The following NEDD4 variants were observed in gnomAD, a reference collection of about 807,000 sequenced individuals.
NEDD4 encodes E3 ubiquitin-protein ligase NEDD4.
NEDD4 carries 99 observed loss-of-function variants against 144.9 expected under a neutral mutation model. That is an observed-to-expected ratio of 0.68 (90% CI 0.58 to 0.81). The LOEUF (loss-of-function observed/expected upper bound fraction) is 0.81, where lower values mean the gene tolerates loss of function less well. Ranked by LOEUF, NEDD4 falls within the 30% of genes least tolerant of loss-of-function variation. The pLI, the probability that NEDD4 is intolerant of heterozygous loss-of-function variation, is 0.00. For missense variants in NEDD4, 985 were observed against 1,065.9 expected, an observed-to-expected ratio of 0.92 and a Z score of 1.06; for synonymous variants, 318 against 350.6, an observed-to-expected ratio of 0.91 and a Z score of 1.04.
At chr15:55,916,629 G>A (rs1225058553) in intron 5 of NEDD4, 1 of 1,613,992 alleles carries the variant, frequency 6.2e-7, no homozygotes, top group South Asian at 1.1e-5. Flanking sequence ...TCTTTCTTGA[G>A]ACTGAACGTT....
Position 55,834,272 on chromosome 15 carries a change from T to C in NEDD4, c.2277A>G (p.Leu759=), listed in dbSNP as rs769970212. The change falls in exon 25 of 29, where the codon CTA becomes CTG. Residue 759 remains leucine, a synonymous_variant. Coordinates refer to ENST00000435532, the MANE Select transcript of NEDD4 (RefSeq NM_006154.4). ...MAAFKEGFFE[L]IPQDLIKIFD... is the part of the protein sequence containing the mutation. ...AAATTTTGATGAGATCCTGTGGTAT[T>C]AGTTCAAAGAATCCCTAGAAAAAAG... 1 of 1,605,506 alleles carries C rather than the reference T, an allele frequency of 6.2e-7. No individual in the cohort carries two copies. The highest frequency in any genetic ancestry group is 1.1e-5 in the South Asian group (1 of 90,854).
At chr15:55,949,328 T>C (rs1227829364) in intron 4 of NEDD4, among the ~76,000 whole-genome samples, 1 of 152,098 alleles carries the variant, frequency 6.6e-6, no homozygotes, top group African/African-American at 2.4e-5. Flanking sequence ...TGTGGAGAAA[T>C]AGGAATACTT....
chr15:55,902,399 C>T (rs376971017), intron 5 of NEDD4, among the ~76,000 whole-genome samples: 11 of 152,060 alleles, frequency 7.2e-5, no homozygotes, highest in East Asian at 5.8e-4. Flanking sequence ...AATTTTGTCA[C>T]GACTGCATGG....
chr15:55,944,001 G>C (rs1200727392), intron 4 of NEDD4, among the ~76,000 whole-genome samples: 1 of 152,150 alleles, frequency 6.6e-6, no homozygotes, highest in Non-Finnish European at 1.5e-5. Context: ...TTATTTTGGA[G>C]CTTTAAGATG....
In NEDD4 at chr15:55,941,567, CTT is replaced by C. The variant is rs774423759; in HGVS notation, c.237+9807_237+9808del. 3.6e-3 allele frequency among the ~76,000 whole-genome samples: 500 copies of C among 139,998 alleles called. 1 individual carries two copies. Among genetic ancestry groups the C allele is most frequent in the African/African-American group, 0.012 (463 of 38,416 alleles). 91.8% of individuals were successfully genotyped at this position (139,998 alleles called of 152,430 possible). On this transcript the variant is annotated intron_variant, in intron 4 of 28. Coordinates refer to ENST00000435532, the MANE Select transcript of NEDD4 (RefSeq NM_006154.4). Reference sequence around the variant, plus strand: ...TCAGAGAACATACCCTGTTAAATTTCTTTTTTTTTTTTTTTGAGACAGAGTCT... The same window carrying C: ...TCAGAGAACATACCCTGTTAAATTTCTTTTTTTTTTTTTGAGACAGAGTCT...
At chr15:55,980,329 A>G (rs958000211) in intron 1 of NEDD4, among the ~76,000 whole-genome samples, 3 of 152,182 alleles carry the variant, frequency 2.0e-5, no homozygotes, top group Admixed American at 1.3e-4. Flanking sequence ...AAACCTTTCT[A>G]AAGTAGCTGA....
At chr15:55,836,851 G>T (rs1438312581) in intron 24 of NEDD4, among the ~76,000 whole-genome samples, 17 of 150,982 alleles carry the variant, frequency 1.1e-4, no homozygotes, top group African/African-American at 3.9e-4. Flanking sequence ...TAGAGATAAG[G>T]TCTCCCTATG....
At chr15:55,992,405 A>G (rs1488368344) in intron 1 of NEDD4, among the ~76,000 whole-genome samples, 2 of 152,210 alleles carry the variant, frequency 1.3e-5, no homozygotes, top group Non-Finnish European at 2.9e-5. Context: ...AGAAGTGTAA[A>G]ATGTTTGACG....
chr15:55,856,608 G>A (rs1160214989), intron 11 of NEDD4, among the ~76,000 whole-genome samples: 2 of 152,118 alleles, frequency 1.3e-5, no homozygotes, highest in Non-Finnish European at 2.9e-5. Flanking sequence ...CATGCTGCAC[G>A]CTGCAGGCTC....
chr15:55,914,031 C>A (rs2036354808), intron 5 of NEDD4, among the ~76,000 whole-genome samples: 1 of 151,810 alleles, frequency 6.6e-6, no homozygotes, highest in South Asian at 2.1e-4. Context: ...ATTTAAAATT[C>A]TAAATTATAG....
intron 13 of NEDD4, among the ~76,000 whole-genome samples, chr15:55,851,170 C>A (rs539774328): frequency 6.6e-6 from 1 of 152,086 alleles, no homozygotes; most frequent in East Asian, 1.9e-4. Context: ...TCCTCATACA[C>A]AGAAGTAGAT....
intron 14 of NEDD4, among the ~76,000 whole-genome samples, chr15:55,849,187 T>C (rs1192957278): frequency 6.6e-6 from 1 of 152,192 alleles, no homozygotes; most frequent in African/African-American, 2.4e-5. Context: ...ATGTAAAAAC[T>C]GGTGAAAGAG....
At chr15:55,952,103 C>T (rs1452437602) in intron 2 of NEDD4, among the ~76,000 whole-genome samples, 10 of 150,914 alleles carry the variant, frequency 6.6e-5, no homozygotes, top group South Asian at 2.1e-4. Context: ...CCGAGGCGGG[C>T]GGATCATGAG....
chr15:55,959,656 C>G (rs1566969524), intron 2 of NEDD4, among the ~76,000 whole-genome samples: 1 of 152,180 alleles, frequency 6.6e-6, no homozygotes. Context: ...AGATTGTAAT[C>G]CATCTTGCTA....
At chr15:55,883,460 G>C (rs2035268126) in intron 5 of NEDD4, among the ~76,000 whole-genome samples, 1 of 152,090 alleles carries the variant, frequency 6.6e-6, no homozygotes, top group Non-Finnish European at 1.5e-5. Context: ...AAGGTAACTT[G>C]CTGCCCTGAA....
intron 8 of NEDD4, among the ~76,000 whole-genome samples, chr15:55,868,808 T>G (rs1419648343): frequency 1.3e-5 from 2 of 152,126 alleles, no homozygotes; most frequent in Non-Finnish European, 2.9e-5. Flanking sequence ...GAGCAGGTGT[T>G]TTTTTGACCC....
At chr15:55,885,208 C>T (rs2035342252) in intron 5 of NEDD4, among the ~76,000 whole-genome samples, 1 of 152,076 alleles carries the variant, frequency 6.6e-6, no homozygotes, top group South Asian at 2.1e-4. Flanking sequence ...CGAAAATGTC[C>T]TTCAAACATG....
At chr15:55,840,780 A>T in intron 19 of NEDD4, 53 bp from the exon 20 acceptor site, 1 of 1,509,458 alleles carries the variant, frequency 6.6e-7, no homozygotes, top group South Asian at 1.2e-5. Context: ...TAATATGACA[A>T]ATAATTACAA....
intron 7 of NEDD4, among the ~76,000 whole-genome samples, chr15:55,871,298 A>T (rs1187402457): frequency 6.6e-6 from 1 of 152,248 alleles, no homozygotes; most frequent in African/African-American, 2.4e-5. Flanking sequence ...TTGGAAAAGA[A>T]GCCTCAAGGT....
Sources: gnomAD v4.1 joint callset for allele counts (sites outside exome capture counted in the v4.1 genomes callset) on GRCh38, gnomAD v4.1.1 for gene constraint, MANE v1.5 for transcripts, NCBI Gene and HGNC (gene_info 2026-07-23, HGNC 2026-07-21) for gene names.